ZFHX3: variants seen among roughly 807,000 people sequenced by gnomAD.
ZFHX3 encodes zinc finger homeobox protein 3.
ZFHX3 carries 42 observed loss-of-function variants against 279.1 expected under a neutral mutation model. That is an observed-to-expected ratio of 0.15 (90% CI 0.12 to 0.19). The LOEUF (loss-of-function observed/expected upper bound fraction) is 0.19, where lower values mean the gene tolerates loss of function less well. Ranked by LOEUF, ZFHX3 falls within the 10% of genes least tolerant of loss-of-function variation. The pLI is 1.00. For missense variants in ZFHX3, 4,981 were observed against 4,754.0 expected (o/e 1.05, Z -1.40); for synonymous variants, 2,293 against 1,957.8 (o/e 1.17, Z -4.52).
At chr16:72,841,465 G>A (rs888904051) in intron 4 of ZFHX3, among the ~76,000 whole-genome samples, 116 of 152,248 alleles carry the variant, frequency 7.6e-4, no homozygotes, top group African/African-American at 2.6e-3. Context: ...TGTGTCCAAG[G>A]GGAGAAAGAA....
chr16:72,879,469 A>C (rs1199415178), intron 4 of ZFHX3, among the ~76,000 whole-genome samples: 1 of 152,162 alleles, frequency 6.6e-6, no homozygotes, highest in Non-Finnish European at 1.5e-5. Context: ...TCTGTCGCCC[A>C]GGTTGAAGTG....
At chr16:73,371,756 G>A (rs780385947) in intron 3 of ZFHX3, among the ~76,000 whole-genome samples, 15 of 152,124 alleles carry the variant, frequency 9.9e-5, no homozygotes, top group South Asian at 2.1e-4. Context: ...TCCATACCTC[G>A]CTCCACTTCC....
chr16:72,856,548 CCTG>C (rs1327565868), intron 4 of ZFHX3, among the ~76,000 whole-genome samples: 1 of 152,204 alleles, frequency 6.6e-6, no homozygotes, highest in East Asian at 1.9e-4. Flanking sequence ...TACTTTTTCA[CCTG>C]CTGCTTTTAC....
chr16:73,143,770 G>A (rs1966853666), exon 6 of ZFHX3: 2 of 1,305,506 alleles, frequency 1.5e-6, no homozygotes, highest in Non-Finnish European at 2.0e-6. Flanking sequence ...TTCCGGCAAA[G>A]CTGGACACCA....
chr16:73,574,849 C>G (rs767895466), intron 2 of ZFHX3, among the ~76,000 whole-genome samples: 1 of 152,136 alleles, frequency 6.6e-6, no homozygotes. Flanking sequence ...CAGGACAGTT[C>G]CCTCTGCTTC....
chr16:72,874,176 A>T (rs1369809974), intron 4 of ZFHX3, among the ~76,000 whole-genome samples: 1 of 142,058 alleles, frequency 7.0e-6, no homozygotes, highest in African/African-American at 2.7e-5. Flanking sequence ...TTGTGCCTGG[A>T]GCTCAGATGG....
chr16:72,972,316 T>C (rs1325654947), intron 1 of ZFHX3, among the ~76,000 whole-genome samples: 1 of 152,098 alleles, frequency 6.6e-6, no homozygotes, highest in Non-Finnish European at 1.5e-5. Flanking sequence ...TCCTATAAGC[T>C]CCTGGACAGG....
chr16:72,954,128 G>A (rs1961130543), intron 2 of ZFHX3, among the ~76,000 whole-genome samples: 1 of 152,200 alleles, frequency 6.6e-6, no homozygotes, highest in Admixed American at 6.5e-5. Flanking sequence ...CCAGCACTTT[G>A]GGAGGCCAAG....
At chr16:73,689,978 C>T (rs978758484) in intron 1 of ZFHX3, among the ~76,000 whole-genome samples, 9 of 151,952 alleles carry the variant, frequency 5.9e-5, no homozygotes, top group Admixed American at 3.9e-4. Flanking sequence ...TGCAGTGGCG[C>T]GATCTCGGCT....
chr16:73,269,144 T>C (rs1344700693), intron 4 of ZFHX3, among the ~76,000 whole-genome samples: 1 of 152,256 alleles, frequency 6.6e-6, no homozygotes, highest in East Asian at 1.9e-4. Flanking sequence ...TTGATTTTTG[T>C]GCTTTTTCCT....
chr16:72,808,198 C>G (rs2036328846), intron 7 of ZFHX3: 1 of 152,120 alleles, frequency 6.6e-6, no homozygotes, highest in South Asian at 2.1e-4. Flanking sequence ...ATTTTTACAC[C>G]AAATTTTTCA....
intron 4 of ZFHX3, among the ~76,000 whole-genome samples, chr16:73,258,127 C>T (rs187300539): frequency 6.6e-6 from 1 of 152,170 alleles, no homozygotes; most frequent in Admixed American, 6.5e-5. Context: ...GGCATTGTGC[C>T]AGGGTTTAAT....
chr16:73,801,951 G>C (rs1389806277), intron 1 of ZFHX3, among the ~76,000 whole-genome samples: 1 of 152,172 alleles, frequency 6.6e-6, no homozygotes, highest in African/African-American at 2.4e-5. Context: ...AGGGCAGGGA[G>C]ATGTGTGCAA....
chr16:73,544,627 C>A, intron 2 of ZFHX3, among the ~76,000 whole-genome samples: 1 of 152,184 alleles, frequency 6.6e-6, no homozygotes, highest in African/African-American at 2.4e-5. Flanking sequence ...GGGATGTTGA[C>A]GATCCAGCCA....
chr16:73,750,099 C>T (rs2053747942), intron 1 of ZFHX3, among the ~76,000 whole-genome samples: 1 of 152,112 alleles, frequency 6.6e-6, no homozygotes, highest in Admixed American at 6.5e-5. Context: ...CACCTTACCT[C>T]TGAGATGGAA....
At chr16:73,301,878 C>T (rs778615755) in intron 4 of ZFHX3, among the ~76,000 whole-genome samples, 1 of 151,818 alleles carries the variant, frequency 6.6e-6, no homozygotes, top group Non-Finnish European at 1.5e-5. Context: ...CATCCTCAAG[C>T]CCCTACCTCT....
intron 3 of ZFHX3, among the ~76,000 whole-genome samples, chr16:72,925,683 C>G (rs1422113810): frequency 2.0e-5 from 3 of 152,162 alleles, no homozygotes; most frequent in African/African-American, 4.8e-5. Context: ...GCAAATGGAC[C>G]CGCACAATCA....
At chr16:73,216,112 T>C (rs866658427) in intron 5 of ZFHX3, among the ~76,000 whole-genome samples, 11 of 152,192 alleles carry the variant, frequency 7.2e-5, no homozygotes, top group African/African-American at 2.4e-4. Context: ...AGCAGGCCTA[T>C]AGATACACAA....
At chr16:72,920,086 C>G (rs959268165) in intron 3 of ZFHX3, among the ~76,000 whole-genome samples, 1 of 151,934 alleles carries the variant, frequency 6.6e-6, no homozygotes, top group African/African-American at 2.4e-5. Flanking sequence ...AGCTACTGCG[C>G]CCGGTCCCTG....
Sources: gnomAD v4.1 joint callset for allele counts (sites outside exome capture counted in the v4.1 genomes callset) on GRCh38, gnomAD v4.1.1 for gene constraint, MANE v1.5 for transcripts, NCBI Gene and HGNC (gene_info 2026-07-23, HGNC 2026-07-21) for gene names.